The following ABCC4 variants were observed in gnomAD, a reference collection of about 807,000 sequenced individuals.
ABCC4 encodes the protein ATP binding cassette subfamily C member 4 (PEL blood group).
A neutral mutation model predicts 168.5 loss-of-function variants in ABCC4; 102 were observed. The observed-to-expected ratio is 0.61, with a 90% CI of 0.52 to 0.71. ABCC4 has a LOEUF of 0.71. Among genes scored for constraint, ABCC4 ranks in the 30% least tolerant of loss-of-function variants. The pLI is 0.00. For synonymous variants in ABCC4, 617 were observed against 590.7 expected, an observed-to-expected ratio of 1.04 and a Z score of -0.65; for missense variants, 1,402 against 1,605.8, an observed-to-expected ratio of 0.87 and a Z score of 2.17.
chr13:95,096,810 A>G (rs2034614889), intron 20 of ABCC4, among the ~76,000 whole-genome samples: 1 of 152,228 alleles, frequency 6.6e-6, no homozygotes, highest in African/African-American at 2.4e-5. Flanking sequence ...GAAGTTCTTC[A>G]GGCTTAAGGA....
At chr13:95,146,625 C>A (rs1260700798) in intron 19 of ABCC4, among the ~76,000 whole-genome samples, 1 of 152,082 alleles carries the variant, frequency 6.6e-6, no homozygotes, top group Non-Finnish European at 1.5e-5. Flanking sequence ...CCGATAGGGA[C>A]AATAACAAGA....
chr13:95,202,268 G>C (rs2038647924), intron 8 of ABCC4, among the ~76,000 whole-genome samples: 1 of 152,218 alleles, frequency 6.6e-6, no homozygotes. Context: ...CCTGCCAGCT[G>C]CCCTGCAGAT....
intron 1 of ABCC4, among the ~76,000 whole-genome samples, chr13:95,279,977 T>C (rs2041074328): frequency 6.6e-6 from 1 of 152,084 alleles, no homozygotes; most frequent in Non-Finnish European, 1.5e-5. Flanking sequence ...GGTCCTTAAA[T>C]GCCAAGGTTT....
At chr13:95,137,561 G>A (rs1473706197) in intron 19 of ABCC4, among the ~76,000 whole-genome samples, 2 of 152,126 alleles carry the variant, frequency 1.3e-5, no homozygotes, top group African/African-American at 2.4e-5. Context: ...AAGAAATAAT[G>A]AAAACAAAAA....
intron 8 of ABCC4, among the ~76,000 whole-genome samples, chr13:95,198,293 C>T (rs865915141): frequency 4.6e-5 from 7 of 152,016 alleles, no homozygotes; most frequent in Middle Eastern, 3.4e-3. Flanking sequence ...AAAAAGTGAG[C>T]GAAGGATATG....
chr13:95,129,747 C>T (rs1189427), intron 19 of ABCC4, among the ~76,000 whole-genome samples: 112,106 of 152,084 alleles, frequency 0.74, 41,624 homozygotes, highest in Admixed American at 0.77. Flanking sequence ...CTATATATTA[C>T]ATGACATTGC....
intron 19 of ABCC4, among the ~76,000 whole-genome samples, chr13:95,151,296 T>C (rs2036665594): frequency 6.6e-6 from 1 of 151,828 alleles, no homozygotes; most frequent in Non-Finnish European, 1.5e-5. Flanking sequence ...GCCAACATGG[T>C]GAAACTCTGT....
chr13:95,287,957 A>T (rs1037940415), intron 1 of ABCC4, among the ~76,000 whole-genome samples: 5 of 150,886 alleles, frequency 3.3e-5, no homozygotes, highest in Non-Finnish European at 7.4e-5. Context: ...CACGAGAATC[A>T]CTTGAACCCG....
intron 20 of ABCC4, 49 bp from the exon 21 acceptor site, chr13:95,083,339 CA>C (rs1360276709): frequency 1.9e-6 from 3 of 1,596,940 alleles, no homozygotes; most frequent in Non-Finnish European, 1.7e-6. Flanking sequence ...GTATTCTTTT[CA>C]AAAATACTTG....
At chr13:95,244,613 GAA>G (rs1169329331) in intron 3 of ABCC4, among the ~76,000 whole-genome samples, 1 of 56,750 alleles carries the variant, frequency 1.8e-5, no homozygotes, top group African/African-American at 1.0e-4. Flanking sequence ...AAGAAAGAAA[GAA>G]AGAAAGAAAG....
chr13:95,164,056 A>G (rs1480497587), intron 16 of ABCC4, among the ~76,000 whole-genome samples: 1 of 115,846 alleles, frequency 8.6e-6, no homozygotes, highest in Admixed American at 8.6e-5. Context: ...AAAAAAAAAA[A>G]AGAAAGAAAG....
intron 1 of ABCC4, among the ~76,000 whole-genome samples, chr13:95,290,336 C>G (rs989781837): frequency 6.6e-6 from 1 of 151,988 alleles, no homozygotes; most frequent in Non-Finnish European, 1.5e-5. Context: ...AGAAATAATG[C>G]ACATCAACAA....
At chr13:95,221,268 G>A (rs1053392606) in intron 4 of ABCC4, among the ~76,000 whole-genome samples, 2 of 152,086 alleles carry the variant, frequency 1.3e-5, no homozygotes, top group Non-Finnish European at 2.9e-5. Flanking sequence ...TCACTCCAGT[G>A]CCCAGGATGG....
At chr13:95,295,010 T>C (rs1473602858) in intron 1 of ABCC4, among the ~76,000 whole-genome samples, 1 of 152,082 alleles carries the variant, frequency 6.6e-6, no homozygotes, top group African/African-American at 2.4e-5. Flanking sequence ...CTCAAATGTT[T>C]GCTAAATGAA....
chr13:95,176,331 C>CAA (rs1462740863), intron 13 of ABCC4, among the ~76,000 whole-genome samples: 2 of 140,384 alleles, frequency 1.4e-5, no homozygotes, highest in African/African-American at 5.2e-5. Flanking sequence ...CCCCTCTCTT[C>CAA]AAAAAAACAC....
At chr13:95,046,445 T>C (rs2032583228) in intron 27 of ABCC4, among the ~76,000 whole-genome samples, 2 of 152,068 alleles carry the variant, frequency 1.3e-5, no homozygotes, top group South Asian at 4.1e-4. Context: ...GTCATCATGA[T>C]TGAATCGGGG....
intron 21 of ABCC4, among the ~76,000 whole-genome samples, chr13:95,081,438 T>C (rs1028758856): frequency 9.2e-5 from 14 of 152,200 alleles, no homozygotes; most frequent in Non-Finnish European, 1.6e-4. Flanking sequence ...CTGCACAGCC[T>C]TGCTGTCCAC....
chr13:95,268,732 CAT>C (rs528294749), intron 1 of ABCC4, among the ~76,000 whole-genome samples: 137 of 152,264 alleles, frequency 9.0e-4, no homozygotes, highest in African/African-American at 6.5e-4. Flanking sequence ...CATTTGTTCA[CAT>C]GTTTTCCTGC....
chr13:95,035,225 A>G lies in ABCC4; in HGVS notation c.3736-486T>C, dbSNP rs946850358. Among the ~76,000 whole-genome samples, 4 of 152,338 alleles carry G rather than the reference A, an allele frequency of 2.6e-5. No individual in the cohort carries two copies. In the South Asian group the frequency reaches 8.3e-4, roughly 32 times the overall value. On this transcript the variant is annotated intron_variant, in intron 29 of 30. Coordinates refer to ENST00000645237, the MANE Select transcript of ABCC4 (RefSeq NM_005845.5). Reference sequence around the variant, plus strand: ...TTGCCGAGCCAGTTTCATAGACTCTAAGCAATGGAAAAGAAGTAAATGCTT... The same window carrying G: ...TTGCCGAGCCAGTTTCATAGACTCTGAGCAATGGAAAAGAAGTAAATGCTT...
Sources: allele counts gnomAD v4.1 joint callset (sites outside exome capture counted in the v4.1 genomes callset), GRCh38; gene constraint gnomAD v4.1.1; transcripts MANE v1.5; gene names NCBI Gene and HGNC (gene_info 2026-07-23, HGNC 2026-07-21).